Variants in UGT1A8 observed in about 807,000 individuals in gnomAD.
UGT1A8 encodes the protein UDP glucuronosyltransferase family 1 member A8.
UGT1A8 carries 39 observed loss-of-function variants against 45.3 expected under a neutral mutation model. The observed-to-expected ratio is 0.86, with a 90% confidence interval of 0.67 to 1.12. UGT1A8 has a LOEUF of 1.12. UGT1A8 is among the 50% of genes most tolerant of loss of function. The pLI, the probability that UGT1A8 is intolerant of heterozygous loss-of-function variation, is 0.00. For synonymous variants in UGT1A8, 275 were observed against 249.2 expected, an observed-to-expected ratio of 1.10 and a Z score of -0.97; for missense variants, 719 against 664.9, an observed-to-expected ratio of 1.08 and a Z score of -0.90.
At chr2:233,664,512 C>T (rs368084361) in intron 1 of UGT1A8, among the ~76,000 whole-genome samples, 2 of 152,138 alleles carry the variant, frequency 1.3e-5, no homozygotes, top group Non-Finnish European at 2.9e-5. Flanking sequence ...ACAAGCATGG[C>T]GCTGCCATCT....
intron 1 of UGT1A8, among the ~76,000 whole-genome samples, chr2:233,703,893 C>G (rs7567229): frequency 6.6e-6 from 1 of 151,246 alleles, no homozygotes; most frequent in African/African-American, 2.4e-5. Flanking sequence ...TCATTTTTTT[C>G]TTTTCTTTTT....
chr2:233,656,750 A>G (rs2073862191), intron 1 of UGT1A8, among the ~76,000 whole-genome samples: 1 of 152,058 alleles, frequency 6.6e-6, no homozygotes, highest in Admixed American at 6.5e-5. Context: ...GCTGTGACTC[A>G]GTTTTGAAGG....
intron 1 of UGT1A8, among the ~76,000 whole-genome samples, chr2:233,640,783 C>T (rs2073430650): frequency 6.6e-6 from 1 of 152,120 alleles, no homozygotes; most frequent in South Asian, 2.1e-4. Flanking sequence ...TACCCTTGGT[C>T]AGTAGGAAGC....
At chr2:233,768,032 T>A in intron 3 of UGT1A8, 96 bp downstream of exon 3, 1 of 1,612,548 alleles carries the variant, frequency 6.2e-7, no homozygotes, top group Non-Finnish European at 8.5e-7. Flanking sequence ...AGCTTGAAAA[T>A]ATTATGGCCA....
intron 1 of UGT1A8, chr2:233,690,397 A>C: frequency 4.4e-6 from 5 of 1,142,502 alleles, no homozygotes; most frequent in Non-Finnish European, 5.7e-6. Context: ...AGACCTTCCT[A>C]TTCCCAACAT....
rs574418679 is a variant in UGT1A8 at position 233,719,623 on chromosome 2, C to T, written c.856-47411C>T. 4.0e-5 allele frequency: 64 copies of T among 1,614,006 alleles called. No individual in the cohort carries two copies. The highest frequency in any genetic ancestry group is 2.3e-4 in the African/African-American group (17 of 75,004). On this transcript the variant is annotated intron_variant, in intron 1 of 4. Transcript: ENST00000373450. ...GACTTTGTGATGGACTACCCCAGGC[C>T]GATCATGCCCAACATGGTCTTCATT...
chr2:233,743,988 C>T (rs893316227), intron 1 of UGT1A8: 14 of 1,273,410 alleles, frequency 1.1e-5, no homozygotes, highest in Middle Eastern at 2.4e-4. Flanking sequence ...CAGGCGCAGG[C>T]CCGAGTGCTC....
chr2:233,645,037 T>G (rs112664330), intron 1 of UGT1A8, among the ~76,000 whole-genome samples: 140 of 152,300 alleles, frequency 9.2e-4, no homozygotes, highest in African/African-American at 3.3e-3. Flanking sequence ...GTAGACCACT[T>G]TGACACCTTT....
chr2:233,624,280 C>A (rs1180314229), intron 1 of UGT1A8, among the ~76,000 whole-genome samples: 1 of 152,122 alleles, frequency 6.6e-6, no homozygotes, highest in African/African-American at 2.4e-5. Context: ...GTTTCTCAGA[C>A]TTTCCTTGTT....
chr2:233,682,283 AT>A (rs761783862), intron 1 of UGT1A8: 12 of 1,614,164 alleles, frequency 7.4e-6, no homozygotes, highest in Non-Finnish European at 9.3e-6. Flanking sequence ...ATCCAATGGT[AT>A]TTTTGACTTA....
chr2:233,636,725 G>A (rs768275652), intron 1 of UGT1A8: 2 of 1,614,076 alleles, frequency 1.2e-6, no homozygotes, highest in Non-Finnish European at 8.5e-7. Flanking sequence ...CAACTGGAAA[G>A]ATCACTGAAT....
intron 1 of UGT1A8, among the ~76,000 whole-genome samples, chr2:233,727,663 T>C (rs1439134101): frequency 6.6e-6 from 1 of 152,170 alleles, no homozygotes; most frequent in Non-Finnish European, 1.5e-5. Context: ...GTGCTCTATG[T>C]CCTTACAAAT....
chr2:233,688,406 G>A (rs1316718631), intron 1 of UGT1A8, among the ~76,000 whole-genome samples: 1 of 151,990 alleles, frequency 6.6e-6, no homozygotes, highest in Non-Finnish European at 1.5e-5. Context: ...TCTAATTTTC[G>A]AGCCCATGTG....
At chr2:233,690,156 A>C (rs1379009304) in intron 1 of UGT1A8, among the ~76,000 whole-genome samples, 1 of 152,236 alleles carries the variant, frequency 6.6e-6, no homozygotes, top group Non-Finnish European at 1.5e-5. Context: ...GGATTCATTG[A>C]CATGTAGTTA....
chr2:233,743,620 G>A (rs1195950260), intron 1 of UGT1A8: 2 of 1,367,320 alleles, frequency 1.5e-6, no homozygotes, highest in Non-Finnish European at 2.0e-6. Flanking sequence ...ACTCCCTGAA[G>A]ACGTCGGCTG....
At chr2:233,747,423 CAA>C (rs113576188) in intron 1 of UGT1A8, 84,087 of 1,608,036 alleles carry the variant, frequency 0.052, 2,713 homozygotes, top group Non-Finnish European at 0.063. Context: ...GCACATCAAA[CAA>C]GAGAAATTTT....
intron 1 of UGT1A8, among the ~76,000 whole-genome samples, chr2:233,665,096 C>T (rs2074045407): frequency 6.6e-6 from 1 of 152,210 alleles, no homozygotes; most frequent in Non-Finnish European, 1.5e-5. Flanking sequence ...ATTCTCACAC[C>T]TATTTTGTTA....
At chr2:233,632,092 A>T (rs1414083610) in intron 1 of UGT1A8, among the ~76,000 whole-genome samples, 2 of 152,116 alleles carry the variant, frequency 1.3e-5, no homozygotes, top group African/African-American at 4.8e-5. Flanking sequence ...TACATAGGAA[A>T]TCCTTGCCCC....
intron 1 of UGT1A8, among the ~76,000 whole-genome samples, chr2:233,656,571 T>A (rs535838748): frequency 6.6e-6 from 1 of 152,316 alleles, no homozygotes; most frequent in South Asian, 2.1e-4. Flanking sequence ...ATGACTCAAC[T>A]CTTGCCTGGC....
Sources: allele counts gnomAD v4.1 joint callset (sites outside exome capture counted in the v4.1 genomes callset), GRCh38; gene constraint gnomAD v4.1.1; transcripts MANE v1.5; gene names NCBI Gene and HGNC (gene_info 2026-07-23, HGNC 2026-07-21).